The following CFAP52 variants were observed in gnomAD, a reference collection of about 807,000 sequenced individuals.
CFAP52 encodes cilia- and flagella-associated protein 52.
Under a neutral mutation model 70.5 loss-of-function variants are expected in CFAP52, and 57 were observed. That is an observed-to-expected ratio of 0.81 (90% CI 0.65 to 1.01). The LOEUF (loss-of-function observed/expected upper bound fraction) is 1.01, where lower values mean the gene tolerates loss of function less well. Among genes scored for constraint, CFAP52 ranks in the 50% least tolerant of loss-of-function variants. The pLI, the probability that CFAP52 is intolerant of heterozygous loss-of-function variation, is 0.00. For missense variants in CFAP52, 785 were observed against 788.5 expected (o/e 1.00, Z 0.05); for synonymous variants, 267 against 292.5 (o/e 0.91, Z 0.89).
At chr17:9,636,249 A>AAGAG (rs67561525) in intron 11 of CFAP52, among the ~76,000 whole-genome samples, 5 of 116,242 alleles carry the variant, frequency 4.3e-5, no homozygotes, top group Non-Finnish European at 5.0e-5. Context: ...GAAAGAAAGA[A>AAGAG]AGAGAAAGAA....
At chr17:9,586,558 T>C (rs1273011937) in intron 2 of CFAP52, 140 bp from the exon 3 acceptor site, 215 of 1,113,716 alleles carry the variant, frequency 1.9e-4, no homozygotes, top group Non-Finnish European at 2.5e-4. Context: ...AGAGTGAGAC[T>C]CCGTCTCAAC....
At chr17:9,631,020 AAGAAAGAAAG>A (rs796609825) in intron 9 of CFAP52, among the ~76,000 whole-genome samples, 1 of 39,318 alleles carries the variant, frequency 2.5e-5, no homozygotes, top group Admixed American at 3.0e-4. Context: ...GAAAGAAAGA[AAGAAAGAAAG>A]AGAGAGAGAG....
intron 3 of CFAP52, among the ~76,000 whole-genome samples, chr17:9,591,690 G>A (rs1255886752): frequency 9.2e-5 from 14 of 152,104 alleles, no homozygotes; most frequent in Admixed American, 8.5e-4. Flanking sequence ...ACTAGCCTGG[G>A]CAACATAGGG....
chr17:9,615,791 AATTCTT>A (rs1251707525), intron 8 of CFAP52, among the ~76,000 whole-genome samples: 3 of 118,758 alleles, frequency 2.5e-5, no homozygotes, highest in Admixed American at 2.1e-4. Context: ...ACAAAAAAAA[AATTCTT>A]TTTTTTTTTT....
intron 8 of CFAP52, among the ~76,000 whole-genome samples, chr17:9,625,884 C>T (rs1420616539): frequency 6.6e-6 from 1 of 152,164 alleles, no homozygotes; most frequent in African/African-American, 2.4e-5. Flanking sequence ...ACTTTTGAGC[C>T]CAGTTTTTCT....
chr17:9,623,902 T>C (rs1053986806), intron 8 of CFAP52, among the ~76,000 whole-genome samples: 10 of 152,206 alleles, frequency 6.6e-5, no homozygotes, highest in Non-Finnish European at 1.3e-4. Context: ...TACTGAATAA[T>C]TATCTCAGTT....
At chr17:9,632,209 C>T (rs184127925) in intron 9 of CFAP52, among the ~76,000 whole-genome samples, 2 of 151,486 alleles carry the variant, frequency 1.3e-5, no homozygotes, top group Admixed American at 1.3e-4. Flanking sequence ...TCCCGAGTAG[C>T]TAGGACTAAA....
In CFAP52 at chr17:9,594,108, C is replaced by G. The variant is rs921273679; in HGVS notation, c.408-85C>G. 4.1e-6 allele frequency: 6 copies of G among 1,474,228 alleles called. No individual in the cohort carries two copies. In the African/African-American group the frequency reaches 7.2e-5, roughly 18 times the overall value. The allele number at this position is 1,474,228 out of a possible 1,614,324, so 91.3% of individuals were successfully genotyped here. On this transcript the variant is annotated intron_variant, in intron 3 of 13. Coordinates refer to ENST00000352665, the MANE Select transcript of CFAP52 (RefSeq NM_145054.5). ...AGTAACCTGTTGTGTTTTTTTCTTT[C>G]TAGAACCACTAAGATGGTTGTTTCT...
rs550525198 is a variant in CFAP52, at chr17:9,605,484, C to T, written c.754-2635C>T. 2.4e-4 allele frequency among the ~76,000 whole-genome samples: 37 copies of T among 151,898 alleles called. No individual in the cohort carries two copies. The South Asian group carries it at 6.7e-3, about 27-fold the overall frequency. ...CCCAGCACTTTGTGGGGAGCTGAGA[C>T]GAGCAGATCATGAGGTCAAGAGATC... On this transcript the variant is annotated intron_variant, in intron 6 of 13. Coordinates refer to ENST00000352665, the MANE Select transcript of CFAP52 (RefSeq NM_145054.5).
intron 11 of CFAP52, 98 bp downstream of exon 11, chr17:9,635,654 A>C: frequency 2.0e-6 from 3 of 1,491,286 alleles, no homozygotes; most frequent in Non-Finnish European, 2.7e-6. Flanking sequence ...GGAGGGTAGA[A>C]ATCTTATTTA....
intron 1 of CFAP52, 43 bp from the exon 2 acceptor site, chr17:9,585,730 C>CT (rs1236962229): frequency 1.9e-6 from 3 of 1,601,204 alleles, no homozygotes; most frequent in Non-Finnish European, 2.6e-6. Context: ...TTCCTGGCCA[C>CT]TTCTGCACCT....
intron 6 of CFAP52, among the ~76,000 whole-genome samples, chr17:9,603,653 G>A (rs1909369590): frequency 6.6e-6 from 1 of 152,164 alleles, no homozygotes; most frequent in South Asian, 2.1e-4. Flanking sequence ...TGATTCTACA[G>A]TTTACACAGA....
intron 9 of CFAP52, among the ~76,000 whole-genome samples, chr17:9,629,691 G>A (rs888064059): frequency 6.8e-6 from 1 of 147,098 alleles, no homozygotes; most frequent in African/African-American, 2.7e-5. Flanking sequence ...GGGATTACAG[G>A]CACGCTCCTG....
At chr17:9,641,922 GACA>G in intron 13 of CFAP52, 87 bp downstream of exon 13, 1 of 1,184,092 alleles carries the variant, frequency 8.4e-7, no homozygotes, top group Non-Finnish European at 1.2e-6. Context: ...AATTGGAAAA[GACA>G]ACAAAAGGGT....
At chr17:9,603,918 T>G (rs1386541888) in intron 6 of CFAP52, among the ~76,000 whole-genome samples, 1 of 152,098 alleles carries the variant, frequency 6.6e-6, no homozygotes, top group Non-Finnish European at 1.5e-5. Context: ...ACCATAAAAC[T>G]ACAGTAATCA....
At chr17:9,609,463 G>A (rs1325330977) in intron 7 of CFAP52, among the ~76,000 whole-genome samples, 1 of 152,184 alleles carries the variant, frequency 6.6e-6, no homozygotes, top group African/African-American at 2.4e-5. Flanking sequence ...GGGAGGTCGA[G>A]GCAAGTGGAT....
At chr17:9,593,403 G>A (rs1408985187) in intron 3 of CFAP52, among the ~76,000 whole-genome samples, 6 of 152,122 alleles carry the variant, frequency 3.9e-5, no homozygotes, top group Non-Finnish European at 7.4e-5. Context: ...CAGAAACTGC[G>A]GTGCTGTGGC....
At chr17:9,598,698 T>C (rs77377854) in intron 5 of CFAP52, 89 of 154,448 alleles carry the variant, frequency 5.8e-4, no homozygotes, top group Middle Eastern at 6.9e-3. Context: ...GAGGCGGAAG[T>C]TGCGGTGAGC....
chr17:9,614,555 G>T (rs1313347771), intron 8 of CFAP52, among the ~76,000 whole-genome samples: 2 of 151,998 alleles, frequency 1.3e-5, no homozygotes, highest in Admixed American at 6.6e-5. Flanking sequence ...AGGAATTTTT[G>T]CTATAATGTA....
Sources: allele counts gnomAD v4.1 joint callset (sites outside exome capture counted in the v4.1 genomes callset), GRCh38; gene constraint gnomAD v4.1.1; transcripts MANE v1.5; gene names NCBI Gene and HGNC (gene_info 2026-07-23, HGNC 2026-07-21).